Variants in ATP6V0A2 observed in about 807,000 individuals in gnomAD.
The protein encoded by ATP6V0A2 is ATPase H+ transporting V0 subunit a2, also known as V-type proton ATPase 116 kDa subunit a 2.
ATP6V0A2 carries 58 observed loss-of-function variants against 104.4 expected under a neutral mutation model. The ratio of observed to expected loss-of-function variants is 0.56; its 90% CI spans 0.45 to 0.69. ATP6V0A2 has a LOEUF of 0.69. Ranked by LOEUF, ATP6V0A2 falls within the 30% of genes least tolerant of loss-of-function variation. The pLI, the probability that ATP6V0A2 is intolerant of heterozygous loss-of-function variation, is 0.00. For synonymous variants in ATP6V0A2, 376 were observed against 397.9 expected, an observed-to-expected ratio of 0.95 and a Z score of 0.65; for missense variants, 938 against 1,062.9, an observed-to-expected ratio of 0.88 and a Z score of 1.63.
intron 1 of ATP6V0A2, among the ~76,000 whole-genome samples, chr12:123,716,514 G>A (rs1956340869): frequency 6.6e-6 from 1 of 152,098 alleles, no homozygotes; most frequent in South Asian, 2.1e-4. Context: ...ATGGAGGCCG[G>A]GTGCAGTGGC....
intron 16 of ATP6V0A2, among the ~76,000 whole-genome samples, chr12:123,751,628 T>C (rs951929492): frequency 2.8e-4 from 43 of 152,182 alleles, no homozygotes; most frequent in African/African-American, 1.0e-3. Context: ...CACTCCAGCC[T>C]GGGCAACAGA....
chr12:123,734,567 A>G (rs542310785), intron 7 of ATP6V0A2, among the ~76,000 whole-genome samples: 2 of 152,372 alleles, frequency 1.3e-5, no homozygotes, highest in African/African-American at 2.4e-5. Flanking sequence ...ATGATCAGGT[A>G]AAAGACATCA....
chr12:123,713,376 G>C (rs893474188), intron 1 of ATP6V0A2, among the ~76,000 whole-genome samples: 1 of 152,196 alleles, frequency 6.6e-6, no homozygotes, highest in East Asian at 1.9e-4. Context: ...TTGTCGAGTG[G>C]AAGCTGTCTC....
At chr12:123,721,820 T>C (rs915197055) in intron 2 of ATP6V0A2, among the ~76,000 whole-genome samples, 1 of 152,248 alleles carries the variant, frequency 6.6e-6, no homozygotes, top group East Asian at 1.9e-4. Context: ...TGGGTGGGTT[T>C]CCTGGTAGTG....
chr12:123,759,227 T>C lies in ATP6V0A2; in HGVS notation c.*1195T>C, dbSNP rs1172926735. 2.6e-5 allele frequency: 4 copies of C among 151,260 alleles called. No homozygotes were observed. The highest frequency in any genetic ancestry group is 4.4e-5 in the Non-Finnish European group (3 of 68,010). The allele number at this position is 151,260 out of a possible 1,614,324, so 9.4% of individuals were successfully genotyped here. On this transcript the variant is annotated 3_prime_UTR_variant, in exon 20 of 20. Transcript: ENST00000330342. ...TTTTACCATGAAGAGATTGCACTTA[T>C]CCTTGAGAACAGTCTAAATATAAAT...
intron 2 of ATP6V0A2, among the ~76,000 whole-genome samples, chr12:123,719,153 C>T (rs1224614623): frequency 6.6e-6 from 1 of 152,136 alleles, no homozygotes; most frequent in Non-Finnish European, 1.5e-5. Context: ...ACAAGGGAGG[C>T]GGGAAATGGA....
rs527252964 is a variant in ATP6V0A2 at position 123,716,313 on chromosome 12, C to G, written c.118-2310C>G. Among the ~76,000 whole-genome samples, 9 of 152,264 alleles carry G rather than the reference C, an allele frequency of 5.9e-5. 1 individual carries two copies. The South Asian group carries it at 1.0e-3, about 18-fold the overall frequency. On this transcript the variant is annotated intron_variant, in intron 1 of 19. Coordinates refer to ENST00000330342, the MANE Select transcript of ATP6V0A2 (RefSeq NM_012463.4). Reference sequence around the variant, plus strand: ...AACTCCTGACCTCAAGTCATCCCCCCACCTTGGCCCCCCAGAGTGCTGGGA... The same window carrying G: ...AACTCCTGACCTCAAGTCATCCCCCGACCTTGGCCCCCCAGAGTGCTGGGA...
At chr12:123,745,069 C>G in intron 13 of ATP6V0A2, 97 bp downstream of exon 13, 1 of 1,237,490 alleles carries the variant, frequency 8.1e-7, no homozygotes, top group Non-Finnish European at 1.2e-6. Context: ...GCAGGGTTCA[C>G]GCTGCCCTGA....
intron 2 of ATP6V0A2, among the ~76,000 whole-genome samples, chr12:123,719,476 T>C (rs1956376328): frequency 6.6e-6 from 1 of 151,704 alleles, no homozygotes. Flanking sequence ...AGACTCCGCC[T>C]CCTGGGTTCC....
Position 123,727,938 on chromosome 12 carries a change from C to T in ATP6V0A2, c.648+29C>T, listed in dbSNP as rs1028250453. On this transcript the variant is annotated intron_variant, in intron 6 of 19. Transcript: ENST00000330342. ...AGTAAATGTCACCATCACCTTTTAG[C>T]AATGACGGACTAACAGCAGAGTTGG... is the stretch of plus-strand genomic sequence containing the variant. 3.1e-6 allele frequency: 5 copies of T among 1,613,904 alleles called. No homozygotes were observed. In the African/African-American group the frequency reaches 6.7e-5, roughly 22 times the overall value.
chr12:123,725,121 G>A (rs936127247), intron 4 of ATP6V0A2, among the ~76,000 whole-genome samples: 4 of 152,038 alleles, frequency 2.6e-5, no homozygotes, highest in Admixed American at 1.3e-4. Context: ...TTTTAGTAGA[G>A]ATGGGGTTTC....
chr12:123,737,433 G>A (rs1156549214), intron 9 of ATP6V0A2, 162 bp downstream of exon 9: 5 of 780,834 alleles, frequency 6.4e-6, no homozygotes, highest in Non-Finnish European at 1.1e-5. Flanking sequence ...AATTAAAATA[G>A]AGATGGGGTT....
In ATP6V0A2 at chr12:123,754,538, G is replaced by A. The variant is rs750984566; in HGVS notation, c.2293+1G>A. The stretch of plus-strand genomic sequence containing the variant: ...TGGGCGCTTAGCCTGGCTCACGCAC[G>A]TAAGTTCCTGCTTAGACCTGCAGTT... On this transcript the variant is annotated splice_donor_variant, in intron 18 of 19. Coordinates refer to ENST00000330342, the MANE Select transcript of ATP6V0A2 (RefSeq NM_012463.4). LOFTEE classifies it high-confidence loss of function. The A allele has an allele frequency of 4.3e-6, 7 of 1,610,282 alleles. No homozygotes were observed. Among genetic ancestry groups the A allele is most frequent in the African/African-American group, 1.3e-5 (1 of 74,862 alleles).
chr12:123,734,295 T>C lies in ATP6V0A2; in HGVS notation c.731+287T>C, dbSNP rs186861075. 1.3e-4 allele frequency among the ~76,000 whole-genome samples: 20 copies of C among 152,334 alleles called. No individual in the cohort carries two copies. In the East Asian group the frequency reaches 3.7e-3, roughly 28 times the overall value. ...TTGAAAAAGGAATAAAGTTTTTATA[T>C]GTTGTGACTTCATGTTGCTTTGAGC... On this transcript the variant is annotated intron_variant, in intron 7 of 19. Transcript: ENST00000330342.
chr12:123,733,596 A>G, intron 6 of ATP6V0A2: 1 of 357,078 alleles, frequency 2.8e-6, no homozygotes, highest in Non-Finnish European at 5.3e-6. Flanking sequence ...GAAAAACATG[A>G]TACCAAACAG....
intron 17 of ATP6V0A2, among the ~76,000 whole-genome samples, chr12:123,753,178 GCCT>G (rs1302282244): frequency 4.0e-4 from 55 of 135,832 alleles, no homozygotes; most frequent in African/African-American, 1.5e-3. Context: ...AGTGACTGCT[GCCT>G]GAGTCCCCTG....
At chr12:123,751,364 ATT>A in intron 16 of ATP6V0A2, 135 bp downstream of exon 16, 1 of 1,397,486 alleles carries the variant, frequency 7.2e-7, no homozygotes, top group Non-Finnish European at 1.0e-6. Flanking sequence ...TATTTAAAAC[ATT>A]GATGTTGGCT....
At chr12:123,756,080 C>G (rs1008374611) in intron 18 of ATP6V0A2, among the ~76,000 whole-genome samples, 12 of 61,112 alleles carry the variant, frequency 2.0e-4, no homozygotes, top group Admixed American at 1.2e-3. Context: ...GACTCTGTCT[C>G]AAAAAAAAAA....
chr12:123,720,088 G>C (rs1019690752), intron 2 of ATP6V0A2, among the ~76,000 whole-genome samples: 28 of 152,036 alleles, frequency 1.8e-4, no homozygotes, highest in African/African-American at 6.3e-4. Flanking sequence ...CCTGACCTCA[G>C]GTGATCCACT....
Sources: allele counts gnomAD v4.1 joint callset (sites outside exome capture counted in the v4.1 genomes callset), GRCh38; gene constraint gnomAD v4.1.1; transcripts MANE v1.5; gene names NCBI Gene and HGNC (gene_info 2026-07-23, HGNC 2026-07-21).